Variants in ANKS1B observed in about 807,000 individuals in gnomAD.
ANKS1B encodes the protein ankyrin repeat and sterile alpha motif domain-containing protein 1B.
Under a neutral mutation model 148.3 loss-of-function variants are expected in ANKS1B, and 36 were observed. The ratio of observed to expected loss-of-function variants is 0.24; its 90% CI spans 0.19 to 0.32. The LOEUF (loss-of-function observed/expected upper bound fraction) is 0.32. ANKS1B is among the 10% of genes least tolerant of loss of function. The pLI is 1.00. For synonymous variants in ANKS1B, 542 were observed against 560.8 expected, an observed-to-expected ratio of 0.97 and a Z score of 0.47; for missense variants, 1,157 against 1,542.6, an observed-to-expected ratio of 0.75 and a Z score of 4.19.
chr12:99,517,056 C>G (rs1466095282), intron 9 of ANKS1B, among the ~76,000 whole-genome samples: 1 of 152,052 alleles, frequency 6.6e-6, no homozygotes, highest in East Asian at 1.9e-4. Context: ...TGAAAAATAT[C>G]ATTGGTATTT....
intron 15 of ANKS1B, among the ~76,000 whole-genome samples, chr12:99,110,592 G>A (rs997790067): frequency 2.6e-5 from 4 of 152,168 alleles, no homozygotes; most frequent in Non-Finnish European, 5.9e-5. Context: ...GAGCTTAAAA[G>A]CAAAGAATGA....
At chr12:99,335,250 G>T (rs2088558809) in intron 12 of ANKS1B, among the ~76,000 whole-genome samples, 1 of 150,682 alleles carries the variant, frequency 6.6e-6, no homozygotes, top group African/African-American at 2.4e-5. Flanking sequence ...ATATATTTAT[G>T]GGGTACATAA....
At chr12:99,372,665 T>G (rs1163251564) in intron 12 of ANKS1B, among the ~76,000 whole-genome samples, 1 of 152,108 alleles carries the variant, frequency 6.6e-6, no homozygotes. Flanking sequence ...CTCCCCTAGT[T>G]TTATACATCC....
At chr12:99,744,630 A>G (rs2060419137) in intron 8 of ANKS1B, among the ~76,000 whole-genome samples, 1 of 152,180 alleles carries the variant, frequency 6.6e-6, no homozygotes, top group African/African-American at 2.4e-5. Flanking sequence ...GCCTGAATAA[A>G]TGTTCTATCT....
At chr12:99,371,324 G>A (rs1355784136) in intron 12 of ANKS1B, among the ~76,000 whole-genome samples, 2 of 152,038 alleles carry the variant, frequency 1.3e-5, no homozygotes, top group Non-Finnish European at 2.9e-5. Flanking sequence ...AGGCTCCCAG[G>A]AAGCCCTAAA....
At chr12:99,925,561 T>C (rs1233018820) in intron 1 of ANKS1B, among the ~76,000 whole-genome samples, 1 of 152,184 alleles carries the variant, frequency 6.6e-6, no homozygotes, top group Non-Finnish European at 1.5e-5. Context: ...TAGTTATCAA[T>C]GTATTTTCTC....
intron 24 of ANKS1B, among the ~76,000 whole-genome samples, chr12:98,779,041 T>G (rs35187145): frequency 2.0e-5 from 3 of 152,188 alleles, no homozygotes; most frequent in Admixed American, 1.3e-4. Flanking sequence ...GCCACCAACA[T>G]AGGCACTTTG....
At chr12:99,606,581 A>C (rs2097853225) in intron 9 of ANKS1B, among the ~76,000 whole-genome samples, 1 of 152,050 alleles carries the variant, frequency 6.6e-6, no homozygotes, top group Non-Finnish European at 1.5e-5. Context: ...AAGACGCCAA[A>C]GTACATAAAC....
intron 17 of ANKS1B, among the ~76,000 whole-genome samples, chr12:98,924,555 A>T (rs1597027345): frequency 6.6e-6 from 1 of 151,998 alleles, no homozygotes; most frequent in Non-Finnish European, 1.5e-5. Flanking sequence ...TTTTTTGCCC[A>T]TTGGTCGATT....
chr12:98,802,305 A>C (rs2099010344), intron 20 of ANKS1B, among the ~76,000 whole-genome samples: 1 of 152,218 alleles, frequency 6.6e-6, no homozygotes, highest in Non-Finnish European at 1.5e-5. Flanking sequence ...GGATTTCTTA[A>C]GGAGAATTTT....
At chr12:99,213,224 G>T (rs1357731222) in intron 14 of ANKS1B, among the ~76,000 whole-genome samples, 2 of 152,150 alleles carry the variant, frequency 1.3e-5, no homozygotes, top group Non-Finnish European at 2.9e-5. Context: ...GCATCCGCAC[G>T]GCCTGCTTCT....
At chr12:99,303,395 A>C (rs1022575462) in intron 12 of ANKS1B, among the ~76,000 whole-genome samples, 7 of 152,228 alleles carry the variant, frequency 4.6e-5, no homozygotes, top group Middle Eastern at 3.4e-3. Flanking sequence ...CAATCAATCC[A>C]TCAATCATTT....
At position 99,217,811 on chromosome 12, in the gene ANKS1B, C is replaced by T. The variant is rs547247451; in HGVS notation, c.2419+26531G>A. On this transcript the variant is annotated intron_variant, in intron 14 of 26. Coordinates refer to ENST00000683438, the MANE Select transcript of ANKS1B (RefSeq NM_001352186.2). ...CCCATTTTAGGGATTACCTCCAATCCTTATAACAAATCTAAAAAGAGGTTG... is the reference window on the plus strand; with the variant it reads ...CCCATTTTAGGGATTACCTCCAATCTTTATAACAAATCTAAAAAGAGGTTG... Among the ~76,000 whole-genome samples, 10 of 152,268 alleles carry T rather than the reference C, an allele frequency of 6.6e-5. No homozygotes were observed. In the South Asian group the frequency reaches 1.9e-3, roughly 28 times the overall value.
intron 4 of ANKS1B, among the ~76,000 whole-genome samples, chr12:99,784,031 T>C (rs978299088): frequency 6.6e-6 from 1 of 152,022 alleles, no homozygotes; most frequent in Non-Finnish European, 1.5e-5. Flanking sequence ...AAAATAAATT[T>C]AAAAGCCAAA....
At chr12:98,907,586 A>G (rs566275324) in intron 17 of ANKS1B, among the ~76,000 whole-genome samples, 2 of 152,324 alleles carry the variant, frequency 1.3e-5, no homozygotes, top group East Asian at 1.9e-4. Flanking sequence ...GAGTCTCGAC[A>G]TGGACGGTCA....
At chr12:99,059,804 T>TATATATATATATATATATATATATA (rs1166735066) in intron 16 of ANKS1B, among the ~76,000 whole-genome samples, 2 of 146,722 alleles carry the variant, frequency 1.4e-5, no homozygotes, top group Non-Finnish European at 3.0e-5. Flanking sequence ...TATATATATA[T>TATATATATATATATATATATATATA]ATGATAGGAC....
intron 2 of ANKS1B, among the ~76,000 whole-genome samples, chr12:99,812,556 CACAGAGAGAGAG>C (rs1394961922): frequency 0.019 from 1,178 of 63,114 alleles, 45 homozygotes; most frequent in East Asian, 0.16. Flanking sequence ...CACACACACA[CACAGAGAGAGAG>C]AGAGAGAGAA....
chr12:99,062,494 C>T (rs1042877518), intron 16 of ANKS1B, among the ~76,000 whole-genome samples: 2 of 151,848 alleles, frequency 1.3e-5, no homozygotes, highest in Non-Finnish European at 2.9e-5. Context: ...ATGGTCAGGA[C>T]AAGAAAAGAA....
chr12:99,043,121 A>G (rs920833676), intron 17 of ANKS1B, among the ~76,000 whole-genome samples: 2 of 152,192 alleles, frequency 1.3e-5, no homozygotes, highest in Non-Finnish European at 2.9e-5. Flanking sequence ...TTATCCCCAC[A>G]ACTCTATGCA....
Sources: gnomAD v4.1 joint callset for allele counts (sites outside exome capture counted in the v4.1 genomes callset) on GRCh38, gnomAD v4.1.1 for gene constraint, MANE v1.5 for transcripts, NCBI Gene and HGNC (gene_info 2026-07-23, HGNC 2026-07-21) for gene names.